Variants in TRPS1 observed in about 807,000 individuals in gnomAD.
TRPS1 encodes the protein transcriptional repressor GATA binding 1.
In TRPS1, 6 loss-of-function variants were observed where a neutral mutation model predicts 101.2. That is an observed-to-expected ratio of 0.06 (90% CI 0.03 to 0.12). The LOEUF (loss-of-function observed/expected upper bound fraction) is 0.12. Among genes scored for constraint, TRPS1 ranks in the 10% least tolerant of loss-of-function variants. TRPS1 has a pLI of 1.00. For synonymous variants in TRPS1, 578 were observed against 589.8 expected (o/e 0.98, Z 0.29); for missense variants, 1,363 against 1,567.0 (o/e 0.87, Z 2.20).
chr8:115,629,530 A>G (rs1480899207), intron 1 of TRPS1, among the ~76,000 whole-genome samples: 1 of 151,904 alleles, frequency 6.6e-6, no homozygotes, highest in Non-Finnish European at 1.5e-5. Context: ...AAGAAGCTCT[A>G]TTTTTTCAAC....
chr8:115,524,156 G>T (rs887762350), intron 5 of TRPS1, among the ~76,000 whole-genome samples: 9 of 152,006 alleles, frequency 5.9e-5, no homozygotes, highest in African/African-American at 1.9e-4. Context: ...TCCCCATCTA[G>T]ATGCTAAATA....
chr8:115,483,319 T>C (rs1814800440), intron 5 of TRPS1, among the ~76,000 whole-genome samples: 1 of 151,786 alleles, frequency 6.6e-6, no homozygotes, highest in Non-Finnish European at 1.5e-5. Context: ...ATCGCTTGAG[T>C]CCAGGAGTGT....
At chr8:115,421,220 A>C (rs1813045465) in intron 5 of TRPS1, among the ~76,000 whole-genome samples, 1 of 152,034 alleles carries the variant, frequency 6.6e-6, no homozygotes, top group Non-Finnish European at 1.5e-5. Context: ...CCCAATCTCA[A>C]GTGATCTGCC....
At chr8:115,631,192 C>A (rs527694649) in intron 1 of TRPS1, among the ~76,000 whole-genome samples, 2 of 152,170 alleles carry the variant, frequency 1.3e-5, no homozygotes, top group African/African-American at 4.8e-5. Context: ...CATGTGGCAC[C>A]TTGTGCATAT....
At chr8:115,579,637 TTA>T (rs1817397729) in intron 5 of TRPS1, among the ~76,000 whole-genome samples, 1 of 152,008 alleles carries the variant, frequency 6.6e-6, no homozygotes, top group Non-Finnish European at 1.5e-5. Context: ...GTAGCAAAAA[TTA>T]TAAAGTGTAT....
At chr8:115,468,070 G>C (rs1376339431) in intron 5 of TRPS1, among the ~76,000 whole-genome samples, 1 of 152,152 alleles carries the variant, frequency 6.6e-6, no homozygotes, top group African/African-American at 2.4e-5. Flanking sequence ...ACAAACTAGA[G>C]CACTGCTTTT....
intron 5 of TRPS1, among the ~76,000 whole-genome samples, chr8:115,583,842 T>C (rs910534261): frequency 2.0e-5 from 3 of 151,924 alleles, no homozygotes; most frequent in Non-Finnish European, 4.4e-5. Context: ...TAAATAAAAA[T>C]ATACATAAAT....
chr8:115,590,407 T>A (rs1817654598), intron 4 of TRPS1, among the ~76,000 whole-genome samples: 1 of 152,088 alleles, frequency 6.6e-6, no homozygotes, highest in South Asian at 2.1e-4. Context: ...GCCTATAAAT[T>A]AAAACTACAA....
At chr8:115,466,721 G>A (rs1814328013) in intron 5 of TRPS1, among the ~76,000 whole-genome samples, 1 of 152,094 alleles carries the variant, frequency 6.6e-6, no homozygotes, top group Non-Finnish European at 1.5e-5. Flanking sequence ...CTCTTTTCAT[G>A]TCCCTCCCAT....
At chr8:115,607,411 C>T (rs958115295) in intron 3 of TRPS1, among the ~76,000 whole-genome samples, 1 of 149,462 alleles carries the variant, frequency 6.7e-6, no homozygotes, top group South Asian at 2.1e-4. Context: ...AGTTGGTGTA[C>T]GTGTCTAGAT....
intron 5 of TRPS1, among the ~76,000 whole-genome samples, chr8:115,464,189 A>T (rs1490075356): frequency 6.6e-6 from 1 of 152,084 alleles, no homozygotes; most frequent in Non-Finnish European, 1.5e-5. Context: ...TAGAGCACAG[A>T]TTTTCCTACT....
chr8:115,466,907 TA>T (rs901436642), intron 5 of TRPS1, among the ~76,000 whole-genome samples: 63 of 146,326 alleles, frequency 4.3e-4, no homozygotes, highest in Admixed American at 1.1e-3. Flanking sequence ...ATTTTGCCAT[TA>T]AAAAAAAAAA....
intron 5 of TRPS1, among the ~76,000 whole-genome samples, chr8:115,575,991 C>G (rs1817308509): frequency 1.3e-5 from 2 of 152,082 alleles, no homozygotes; most frequent in Admixed American, 1.3e-4. Context: ...GTGAACAAAA[C>G]AGGCATCATC....
In TRPS1 at chr8:115,587,458, G is replaced by A. The variant is rs774703143; in HGVS notation, c.2243C>T (p.Thr748Ile). 27 of 1,614,008 alleles carry A rather than the reference G, an allele frequency of 1.7e-5. No individual in the cohort carries two copies. The South Asian group carries it at 2.6e-4, about 16-fold the overall frequency. ...NGEEDGHAIS[T>I]IKEEPKIDFR... ...GTCAATTTTGGGCTCCTCTTTGATG[G>A]TGGATATGGCATGACCGTCCTCTTC... Residue 748 changes from threonine (T) to isoleucine (I), a missense_variant, in exon 5 of 7, where the codon ACC (threonine) becomes ATC (isoleucine). This residue lies in a region of TRPS1 where 1,020 missense variants were observed against 1,073.0 expected (regional missense o/e 0.95). Coordinates refer to ENST00000395715, the MANE Select transcript of TRPS1 (RefSeq NM_014112.5).
Position 115,515,213 on chromosome 8 carries a change from G to C in TRPS1, c.2700+71788C>G, listed in dbSNP as rs1186028322. The C allele has an allele frequency of 1.3e-5, 9 of 695,280 alleles. 1 individual carries two copies. In the South Asian group the frequency reaches 1.3e-4, roughly 10 times the overall value. The allele number at this position is 695,280 out of a possible 1,614,324, so 43.1% of individuals were successfully genotyped here. ...TCTAAATATTAATAAGATCTTCATG[G>C]AAGCAATGGAGATCTGGTTTTCTCA... On this transcript the variant is annotated intron_variant, in intron 5 of 6. Coordinates refer to ENST00000395715, the MANE Select transcript of TRPS1 (RefSeq NM_014112.5).
At position 115,450,814 on chromosome 8, in the gene TRPS1, T is replaced by C. The variant is rs192445339; in HGVS notation, c.2701-32362A>G. On this transcript the variant is annotated intron_variant, in intron 5 of 6. Coordinates refer to ENST00000395715, the MANE Select transcript of TRPS1 (RefSeq NM_014112.5). Reference sequence around the variant, plus strand: ...ACAGCAGAGCCTTGGGACAGCGTTTTAGTGTTCACACCTTACAAAAATTTC... The same window carrying C: ...ACAGCAGAGCCTTGGGACAGCGTTTCAGTGTTCACACCTTACAAAAATTTC... Among the ~76,000 whole-genome samples, 13 of 152,342 alleles carry C rather than the reference T, an allele frequency of 8.5e-5. No individual in the cohort carries two copies. The East Asian group carries it at 1.4e-3, about 16-fold the overall frequency.
intron 1 of TRPS1, among the ~76,000 whole-genome samples, chr8:115,666,345 T>C (rs902805559): frequency 1.3e-5 from 2 of 151,942 alleles, no homozygotes; most frequent in African/African-American, 2.4e-5. Context: ...GCATCAGAAC[T>C]TACAGGAAAC....
At chr8:115,551,942 T>C (rs933513457) in intron 5 of TRPS1, among the ~76,000 whole-genome samples, 6 of 152,318 alleles carry the variant, frequency 3.9e-5, no homozygotes, top group African/African-American at 1.2e-4. Flanking sequence ...TTTGCAGGTG[T>C]GCCTCAAGGA....
chr8:115,486,973 A>C (rs1814896872), intron 5 of TRPS1, among the ~76,000 whole-genome samples: 1 of 152,222 alleles, frequency 6.6e-6, no homozygotes, highest in Non-Finnish European at 1.5e-5. Context: ...CTACTGGTAA[A>C]AGGTGCCATC....
Sources: allele counts gnomAD v4.1 joint callset (sites outside exome capture counted in the v4.1 genomes callset), GRCh38; gene constraint gnomAD v4.1.1; regional missense constraint gnomAD v4.1.1; transcripts MANE v1.5; gene names NCBI Gene and HGNC (gene_info 2026-07-23, HGNC 2026-07-21).